MROH2B: variants seen among roughly 807,000 people sequenced by gnomAD.
MROH2B encodes the protein maestro heat like repeat family member 2B.
A neutral mutation model predicts 208.6 loss-of-function variants in MROH2B; 177 were observed. That is an observed-to-expected ratio of 0.85 (90% CI 0.75 to 0.96). The LOEUF is 0.96. MROH2B is among the 40% of genes least tolerant of loss of function. MROH2B has a pLI of 0.00. For synonymous variants in MROH2B, 728 were observed against 659.0 expected, an observed-to-expected ratio of 1.10 and a Z score of -1.60; for missense variants, 2,002 against 1,878.7, an observed-to-expected ratio of 1.07 and a Z score of -1.21.
rs575360633 is a variant in MROH2B, at chr5:41,060,797, A to G, written c.615+773T>C. 2.0e-3 allele frequency among the ~76,000 whole-genome samples: 302 copies of G among 152,338 alleles called. 1 individual carries two copies. The highest frequency in any genetic ancestry group is 6.8e-3 in the African/African-American group (283 of 41,582). Reference sequence around the variant, plus strand: ...TGTCTTGAAGAAAAAACTTCCCTACAGGATATTTTTAAAGTTCCATGTTGC... The same window carrying G: ...TGTCTTGAAGAAAAAACTTCCCTACGGGATATTTTTAAAGTTCCATGTTGC... On this transcript the variant is annotated intron_variant, in intron 6 of 41. Coordinates refer to ENST00000399564, the MANE Select transcript of MROH2B (RefSeq NM_173489.5).
At chr5:41,011,882 G>T (rs1175638892) in intron 30 of MROH2B, among the ~76,000 whole-genome samples, 1 of 152,076 alleles carries the variant, frequency 6.6e-6, no homozygotes, top group African/African-American at 2.4e-5. Flanking sequence ...TGCTCAGGCT[G>T]GTCTCAAACT....
chr5:41,009,336 T>C lies in MROH2B; in HGVS notation c.3364A>G (p.Ile1122Val). Reference protein sequence around the residue: ...ASSGKLLQALIDKLETELEDD... With the variant: ...ASSGKLLQALVDKLETELEDD... Reference sequence around the variant, plus strand: ...TCTAACTCAGTCTCCAGTTTGTCTATTAAGGCTTGCAAGAGTTTCCCACTG... The same window carrying C: ...TCTAACTCAGTCTCCAGTTTGTCTACTAAGGCTTGCAAGAGTTTCCCACTG... Residue 1122 changes from isoleucine to valine, a missense_variant, in exon 32 of 42, where the codon ATA becomes GTA. Coordinates refer to ENST00000399564, the MANE Select transcript of MROH2B (RefSeq NM_173489.5). 6.2e-7 allele frequency: 1 copy of C among 1,613,926 alleles called. No individual in the cohort carries two copies. The highest frequency in any genetic ancestry group is 1.3e-5 in the African/African-American group (1 of 75,046).
Position 41,055,775 on chromosome 5 carries a change from A to C in MROH2B, c.1000T>G (p.Leu334Val), listed in dbSNP as rs1743429097. 1 of 1,613,858 alleles carries C rather than the reference A, an allele frequency of 6.2e-7. No individual in the cohort carries two copies. The change falls in exon 10 of 42, where the codon TTG (leucine) becomes GTG (valine). Residue 334 changes from leucine to valine, a missense_variant. By Grantham distance (32) the Leu-to-Val change is conservative. Coordinates refer to ENST00000399564, the MANE Select transcript of MROH2B (RefSeq NM_173489.5). Reference sequence around the variant, plus strand: ...TTGACAGCCAATCTTAACAAAGTCAAGATTCCCACTCGAATGGCTTCATTA... The same window carrying C: ...TTGACAGCCAATCTTAACAAAGTCACGATTCCCACTCGAATGGCTTCATTA... ...SNNEAIRVGILTLLRLAVNAD... is the reference protein window; with the variant it reads ...SNNEAIRVGIVTLLRLAVNAD...
intron 24 of MROH2B, among the ~76,000 whole-genome samples, chr5:41,032,088 T>C (rs752016824): frequency 1.3e-5 from 2 of 152,122 alleles, no homozygotes; most frequent in African/African-American, 4.8e-5. Flanking sequence ...CCTGGGTATA[T>C]ACCAAGGAAT....
chr5:41,049,478 T>C (rs1743223259), intron 13 of MROH2B, 42 bp from the exon 14 acceptor site: 7 of 1,572,850 alleles, frequency 4.5e-6, no homozygotes, highest in Admixed American at 1.9e-5. Context: ...CTTATTCTTT[T>C]CCATTATTTC....
intron 5 of MROH2B, among the ~76,000 whole-genome samples, chr5:41,062,024 G>A (rs1360784330): frequency 6.7e-6 from 1 of 149,676 alleles, no homozygotes; most frequent in Non-Finnish European, 1.5e-5. Context: ...ATTGGTTCAA[G>A]CACTTTGCAG....
intron 37 of MROH2B, among the ~76,000 whole-genome samples, chr5:41,001,622 C>T (rs1208338141): frequency 2.6e-5 from 4 of 151,690 alleles, no homozygotes; most frequent in South Asian, 2.1e-4. Context: ...GAGGGTGAGG[C>T]GTGAGAATTG....
At chr5:41,036,532 C>T (rs1742765807) in intron 21 of MROH2B, among the ~76,000 whole-genome samples, 1 of 151,990 alleles carries the variant, frequency 6.6e-6, no homozygotes, top group African/African-American at 2.4e-5. Flanking sequence ...ACTATGCAGC[C>T]ATAAAAAATA....
At chr5:41,013,378 T>C (rs1315413951) in intron 29 of MROH2B, among the ~76,000 whole-genome samples, 2 of 152,306 alleles carry the variant, frequency 1.3e-5, no homozygotes, top group Middle Eastern at 3.4e-3. Context: ...TGAGTGTGTA[T>C]GTCTGTGTGT....
intron 32 of MROH2B, among the ~76,000 whole-genome samples, chr5:41,009,079 T>C (rs989787421): frequency 6.6e-6 from 1 of 152,136 alleles, no homozygotes; most frequent in Non-Finnish European, 1.5e-5. Context: ...CATAGGTTTT[T>C]TGGGGGGTTG....
At chr5:41,030,570 G>A (rs1192066808) in intron 24 of MROH2B, among the ~76,000 whole-genome samples, 1 of 151,882 alleles carries the variant, frequency 6.6e-6, no homozygotes, top group Admixed American at 6.6e-5. Flanking sequence ...CATATTCAAT[G>A]CAATTCTCAT....
intron 37 of MROH2B, 82 bp downstream of exon 37, chr5:41,004,264 C>A: frequency 3.4e-6 from 5 of 1,489,146 alleles, no homozygotes; most frequent in African/African-American, 2.8e-5. Context: ...GGGACACTGA[C>A]AATGTCTTCT....
chr5:41,012,643 C>T lies in MROH2B; in HGVS notation c.3075G>A (p.Lys1025=), dbSNP rs750946657. ...GLESLNPTCT[K]ACGIWMITVL... is the part of the protein sequence containing the mutation. ...CAGTGATCATCCATATGCCACAGGC[C>T]TTTGTACAAGTGGGGTTGAGGCTCT... The change falls in exon 30 of 42, where the codon AAG becomes AAA. Residue 1025 remains lysine, a synonymous_variant. Coordinates refer to ENST00000399564, the MANE Select transcript of MROH2B (RefSeq NM_173489.5). 15 of 1,613,870 alleles carry T rather than the reference C, an allele frequency of 9.3e-6. No homozygotes were observed. The highest frequency in any genetic ancestry group is 1.3e-5 in the Non-Finnish European group (15 of 1,179,802).
chr5:41,045,162 G>C (rs1743077650), intron 18 of MROH2B, among the ~76,000 whole-genome samples: 1 of 152,132 alleles, frequency 6.6e-6, no homozygotes, highest in African/African-American at 2.4e-5. Flanking sequence ...AACATGGAAA[G>C]GAATAATGTT....
At chr5:41,033,493 A>C (rs1742645037) in intron 22 of MROH2B, among the ~76,000 whole-genome samples, 1 of 152,142 alleles carries the variant, frequency 6.6e-6, no homozygotes, top group African/African-American at 2.4e-5. Context: ...TAATAGTTAT[A>C]GTTTTTACAA....
intron 2 of MROH2B, among the ~76,000 whole-genome samples, chr5:41,068,585 G>T (rs1222600815): frequency 1.3e-5 from 2 of 152,082 alleles, no homozygotes; most frequent in Non-Finnish European, 2.9e-5. Flanking sequence ...TTAACCTCTT[G>T]GTTATGCTGG....
intron 37 of MROH2B, 66 bp downstream of exon 37, chr5:41,004,280 C>T: frequency 6.5e-7 from 1 of 1,537,440 alleles, no homozygotes; most frequent in Non-Finnish European, 8.8e-7. Context: ...CTTCTGTGAG[C>T]ACTACCTAAA....
rs1579956473 is a variant in MROH2B at position 41,058,191 on chromosome 5, C to T, written c.628G>A (p.Val210Ile). 6.3e-6 allele frequency: 10 copies of T among 1,586,822 alleles called. No individual in the cohort carries two copies. In the South Asian group the frequency reaches 1.0e-4, roughly 16 times the overall value. ...LASPMQTLSI[V>I]KAHGPTVSLL... ...CTCACCGTGGGCCCGTGGGCCTTAA[C>T]GATGCTCAAAGTCTGTACAGGCAGC... Residue 210 changes from valine (V) to isoleucine (I), a missense_variant, in exon 7 of 42, where the codon GTT becomes ATT. Val to Ile is a conservative substitution (Grantham distance 29). Coordinates refer to ENST00000399564, the MANE Select transcript of MROH2B (RefSeq NM_173489.5).
intron 24 of MROH2B, among the ~76,000 whole-genome samples, chr5:41,022,083 C>A (rs1036908302): frequency 2.0e-5 from 3 of 152,090 alleles, no homozygotes; most frequent in African/African-American, 7.2e-5. Flanking sequence ...TCCAAGATGG[C>A]CGAATAGGAA....
Sources: gnomAD v4.1 joint callset for allele counts (sites outside exome capture counted in the v4.1 genomes callset) on GRCh38, gnomAD v4.1.1 for gene constraint, MANE v1.5 for transcripts, NCBI Gene and HGNC (gene_info 2026-07-23, HGNC 2026-07-21) for gene names.